Variants in GATAD1 observed in about 807,000 individuals in gnomAD.
GATAD1 encodes GATA zinc finger domain-containing protein 1.
A neutral mutation model predicts 26.5 loss-of-function variants in GATAD1; 12 were observed. The observed-to-expected ratio is 0.45, with a 90% CI of 0.29 to 0.73. The LOEUF (loss-of-function observed/expected upper bound fraction) is 0.73. Ranked by LOEUF, GATAD1 falls within the 30% of genes least tolerant of loss-of-function variation. The pLI is 0.10. For missense variants in GATAD1, 266 were observed against 342.1 expected (o/e 0.78, Z 1.75); for synonymous variants, 129 against 133.1 (o/e 0.97, Z 0.21).
chr7:92,478,222 G>A, the GATAD1 span, among the ~76,000 whole-genome samples: 12 of 152,246 alleles, frequency 7.9e-5, no homozygotes, highest in South Asian at 6.2e-4. Context: ...ATCTCCAGGC[G>A]TTTTGCCCTC....
the GATAD1 span, among the ~76,000 whole-genome samples, chr7:92,481,565 C>T: frequency 6.6e-6 from 1 of 152,150 alleles, no homozygotes; most frequent in African/African-American, 2.4e-5. Flanking sequence ...AGGGCATGGT[C>T]CCGGTCCTTG....
the GATAD1 span, among the ~76,000 whole-genome samples, chr7:92,481,893 AGC>A: frequency 2.0e-5 from 3 of 152,174 alleles, no homozygotes; most frequent in Non-Finnish European, 4.4e-5. Flanking sequence ...TGGCAGGGAG[AGC>A]ACATGTGTTT....
the GATAD1 span, chr7:92,493,519 G>C: frequency 6.3e-6 from 1 of 158,904 alleles, no homozygotes. Flanking sequence ...TGTGCCTGTG[G>C]TCCCAGCTAC....
the GATAD1 span, among the ~76,000 whole-genome samples, chr7:92,482,092 T>G: frequency 2.0e-5 from 3 of 151,346 alleles, no homozygotes; most frequent in African/African-American, 7.3e-5. Flanking sequence ...AGCAGAGAGG[T>G]GGAAAGAAAG....
the GATAD1 span, among the ~76,000 whole-genome samples, chr7:92,479,552 CAG>C: frequency 5.9e-5 from 9 of 152,158 alleles, no homozygotes; most frequent in Admixed American, 5.2e-4. Context: ...GTGCAGGTCA[CAG>C]GGGATATGAT....
chr7:92,487,667 A>T, the GATAD1 span: 1 of 478,170 alleles, frequency 2.1e-6, no homozygotes, highest in South Asian at 4.0e-5. Flanking sequence ...TAGAAAAAAA[A>T]ATTCCAGTCA....
intron 1 of GATAD1, 88 bp from the exon 2 acceptor site, chr7:92,448,664 C>G (rs1053764297): frequency 4.9e-5 from 50 of 1,020,192 alleles, no homozygotes; most frequent in Non-Finnish European, 7.4e-5. Context: ...AGTACATACT[C>G]TGGGATCCTT....
the GATAD1 span, among the ~76,000 whole-genome samples, chr7:92,465,986 A>G: frequency 4.6e-5 from 7 of 152,238 alleles, no homozygotes; most frequent in African/African-American, 1.7e-4. Flanking sequence ...CTGGGCCGAC[A>G]GAGTGAGACT....
the GATAD1 span, among the ~76,000 whole-genome samples, chr7:92,476,645 G>GTC: frequency 2.0e-5 from 3 of 150,352 alleles, no homozygotes; most frequent in African/African-American, 4.9e-5. Flanking sequence ...CTCTCTCACT[G>GTC]TCTCTCTCTC....
At chr7:92,473,988 C>T in the GATAD1 span, among the ~76,000 whole-genome samples, 4 of 151,810 alleles carry the variant, frequency 2.6e-5, no homozygotes, top group Admixed American at 6.6e-5. Context: ...GGGGCATGGA[C>T]GAGGGGGCGG....
the GATAD1 span, among the ~76,000 whole-genome samples, chr7:92,474,355 G>T: frequency 6.6e-6 from 1 of 152,198 alleles, no homozygotes; most frequent in Non-Finnish European, 1.5e-5. Flanking sequence ...TGACAGAGAG[G>T]CACGCTTCCT....
chr7:92,494,708 T>C, the GATAD1 span: 2 of 1,070,774 alleles, frequency 1.9e-6, no homozygotes, highest in East Asian at 2.7e-5. Context: ...TATATGAATG[T>C]ATTTATTTTA....
At chr7:92,487,403 A>G in the GATAD1 span, 1 of 916,872 alleles carries the variant, frequency 1.1e-6, no homozygotes. Context: ...CTGTTACAAC[A>G]TATGGAAAAG....
intron 3 of GATAD1, among the ~76,000 whole-genome samples, chr7:92,453,299 A>C (rs1316069770): frequency 6.6e-6 from 1 of 152,256 alleles, no homozygotes; most frequent in Non-Finnish European, 1.5e-5. Context: ...CTTACCAAGA[A>C]CTATACCCAC....
At chr7:92,489,888 T>C in the GATAD1 span, 1 of 1,614,034 alleles carries the variant, frequency 6.2e-7, no homozygotes, top group Non-Finnish European at 8.5e-7. Context: ...TCATGGAGCT[T>C]GGTGCAGAGA....
chr7:92,452,381 C>T (rs772217707), intron 3 of GATAD1, among the ~76,000 whole-genome samples: 14 of 152,220 alleles, frequency 9.2e-5, no homozygotes, highest in Non-Finnish European at 1.9e-4. Context: ...GCAGGCAGCA[C>T]CATGGTGGCA....
intron 4 of GATAD1, among the ~76,000 whole-genome samples, 171 bp downstream of exon 4, chr7:92,454,856 A>G (rs1164455706): frequency 2.6e-5 from 4 of 152,202 alleles, no homozygotes; most frequent in Non-Finnish European, 4.4e-5. Context: ...TCCAACATCA[A>G]GGTGCTGGCA....
At chr7:92,480,902 G>A in the GATAD1 span, among the ~76,000 whole-genome samples, 113,177 of 152,048 alleles carry the variant, frequency 0.74, 42,670 homozygotes, top group South Asian at 0.85. Context: ...GGACCCTTGC[G>A]TAGTGAGGAA....
At chr7:92,478,002 T>C in the GATAD1 span, 5 of 152,296 alleles carry the variant, frequency 3.3e-5, no homozygotes, top group African/African-American at 1.2e-4. Context: ...CCTGCTGTGC[T>C]CTCAGGCAAT....
Sources: allele counts gnomAD v4.1 joint callset (sites outside exome capture counted in the v4.1 genomes callset), GRCh38; gene constraint gnomAD v4.1.1; transcripts MANE v1.5; gene names NCBI Gene and HGNC (gene_info 2026-07-23, HGNC 2026-07-21).